The following LRRC37A variants were observed in gnomAD, a reference collection of about 807,000 sequenced individuals.
LRRC37A encodes leucine rich repeat containing 37A.
A neutral mutation model predicts 35.4 loss-of-function variants in LRRC37A; 3 were observed. That is an observed-to-expected ratio of 0.08 (90% CI 0.04 to 0.22). LRRC37A has a LOEUF of 0.22. LRRC37A is among the 10% of genes least tolerant of loss of function. LRRC37A has a pLI of 1.00. For missense variants in LRRC37A, 67 were observed against 565.3 expected (o/e 0.12, Z 8.94); for synonymous variants, 23 against 215.0 (o/e 0.11, Z 7.81).
the LRRC37A span, chr17:46,267,109 G>A: frequency 4.8e-6 from 2 of 415,224 alleles, no homozygotes; most frequent in Non-Finnish European, 8.3e-6. Context: ...GCGCTTGCCG[G>A]GCGGGCATGG....
intron 10 of LRRC37A, among the ~76,000 whole-genome samples, chr17:46,332,887 A>T: frequency 6.6e-6 from 1 of 151,296 alleles, no homozygotes; most frequent in Non-Finnish European, 1.5e-5. Context: ...AGTGAATCCC[A>T]CTAGACTATT....
upstream of LRRC37A, among the ~76,000 whole-genome samples, chr17:46,291,580 A>C (rs2258733): frequency 0.14 from 21,397 of 151,270 alleles, 36 homozygotes; most frequent in Non-Finnish European, 0.2. Context: ...ACTCAAAATA[A>C]GCTTGCAAAA....
chr17:46,321,350 C>T (rs1457500216), intron 5 of LRRC37A, among the ~76,000 whole-genome samples: 5 of 67,292 alleles, frequency 7.4e-5, no homozygotes, highest in Middle Eastern at 6.3e-3. Context: ...AGTGAGACTC[C>T]GTCTCAGAAA....
At chr17:46,248,578 G>A in the LRRC37A span, among the ~76,000 whole-genome samples, 512 of 151,982 alleles carry the variant, frequency 3.4e-3, 7 homozygotes, top group East Asian at 0.025. Flanking sequence ...GCAGTGCAGC[G>A]GCATGACCTA....
chr17:46,253,858 A>G, the LRRC37A span, among the ~76,000 whole-genome samples: 1 of 152,046 alleles, frequency 6.6e-6, no homozygotes, highest in Non-Finnish European at 1.5e-5. Context: ...TTTGAAAGGA[A>G]CCTTTCTATT....
chr17:46,276,147 TC>T, the LRRC37A span, among the ~76,000 whole-genome samples: 2 of 152,248 alleles, frequency 1.3e-5, no homozygotes, highest in Non-Finnish European at 1.5e-5. Context: ...CGCCTCGGCC[TC>T]CCAAAGTGCT....
chr17:46,286,885 A>G, the LRRC37A span, among the ~76,000 whole-genome samples: 4 of 152,194 alleles, frequency 2.6e-5, no homozygotes, highest in African/African-American at 9.7e-5. Flanking sequence ...GTACACATCC[A>G]TTTTCTTAGC....
the LRRC37A span, among the ~76,000 whole-genome samples, chr17:46,262,042 C>T: frequency 0.15 from 22,046 of 151,978 alleles, 2,135 homozygotes; most frequent in Non-Finnish European, 0.22. Context: ...CTCCGTCTCC[C>T]GAGTTTAAGC....
At chr17:46,277,537 T>G in the LRRC37A span, among the ~76,000 whole-genome samples, 7 of 152,230 alleles carry the variant, frequency 4.6e-5, no homozygotes, top group Admixed American at 6.5e-5. Context: ...TAATGAGAAG[T>G]TGTGCTCCTC....
At chr17:46,259,275 G>T in the LRRC37A span, among the ~76,000 whole-genome samples, 1 of 151,846 alleles carries the variant, frequency 6.6e-6, no homozygotes, top group African/African-American at 2.4e-5. Context: ...ATGATCGGGT[G>T]GGGGTGGGAT....
At chr17:46,254,755 G>A in the LRRC37A span, among the ~76,000 whole-genome samples, 1 of 151,570 alleles carries the variant, frequency 6.6e-6, no homozygotes, top group African/African-American at 2.4e-5. Context: ...TGGCCAGGCT[G>A]GTCTCAACTC....
chr17:46,287,957 A>C (rs2049963236), upstream of LRRC37A, among the ~76,000 whole-genome samples: 2 of 152,236 alleles, frequency 1.3e-5, no homozygotes, highest in Non-Finnish European at 2.9e-5. Flanking sequence ...ACATCATGTC[A>C]AAGTCATAGT....
At chr17:46,288,691 T>C, upstream of LRRC37A, among the ~76,000 whole-genome samples, 1 of 151,280 alleles carries the variant, frequency 6.6e-6, no homozygotes, top group Non-Finnish European at 1.5e-5. Context: ...GCTTCTTTAC[T>C]GCATCTTGTT....
the LRRC37A span, chr17:46,267,611 T>A: frequency 6.5e-7 from 1 of 1,536,794 alleles, no homozygotes; most frequent in Non-Finnish European, 9.0e-7. Flanking sequence ...TCGTCCAGTC[T>A]TTTTTTGGGA....
At chr17:46,248,903 G>T in the LRRC37A span, among the ~76,000 whole-genome samples, 65 of 151,882 alleles carry the variant, frequency 4.3e-4, no homozygotes, top group African/African-American at 1.5e-3. Context: ...ATATCTGCAG[G>T]TTCCTCATCC....
the LRRC37A span, among the ~76,000 whole-genome samples, chr17:46,276,790 C>CTTTTCTTTTTTT: frequency 1.5e-5 from 2 of 134,306 alleles, no homozygotes; most frequent in Non-Finnish European, 3.2e-5. Flanking sequence ...TTCTTTTTTT[C>CTTTTCTTTTTTT]TTTTTTTTTT....
upstream of LRRC37A, among the ~76,000 whole-genome samples, chr17:46,291,139 C>T (rs1163227593): frequency 6.6e-6 from 1 of 152,222 alleles, no homozygotes; most frequent in Non-Finnish European, 1.5e-5. Flanking sequence ...GACTGAACTT[C>T]TTCTTTGGTT....
At chr17:46,264,831 AC>A in the LRRC37A span, among the ~76,000 whole-genome samples, 68 of 152,346 alleles carry the variant, frequency 4.5e-4, no homozygotes, top group African/African-American at 1.6e-3. Context: ...CAGGGCATTC[AC>A]AACATTCCTG....
At chr17:46,272,027 TG>T in the LRRC37A span, among the ~76,000 whole-genome samples, 6 of 152,274 alleles carry the variant, frequency 3.9e-5, no homozygotes, top group Admixed American at 2.0e-4. Flanking sequence ...CCCAGAGTGC[TG>T]GGATTATAGG....
Sources: gnomAD v4.1 joint callset for allele counts (sites outside exome capture counted in the v4.1 genomes callset) on GRCh38, gnomAD v4.1.1 for gene constraint, MANE v1.5 for transcripts, NCBI Gene and HGNC (gene_info 2026-07-23, HGNC 2026-07-21) for gene names.